The following CNTNAP2 variants were observed in gnomAD, a reference collection of about 807,000 sequenced individuals.
The protein encoded by CNTNAP2 is contactin-associated protein-like 2.
A neutral mutation model predicts 155.2 loss-of-function variants in CNTNAP2; 98 were observed. That is an observed-to-expected ratio of 0.63 (90% CI 0.54 to 0.75). The LOEUF is 0.75. Ranked by LOEUF, CNTNAP2 falls within the 30% of genes least tolerant of loss-of-function variation. The pLI is 0.00. For synonymous variants in CNTNAP2, 651 were observed against 631.2 expected (o/e 1.03, Z -0.47); for missense variants, 1,727 against 1,688.1 (o/e 1.02, Z -0.40).
At chr7:146,932,963 C>G (rs1279267101) in intron 3 of CNTNAP2, among the ~76,000 whole-genome samples, 1 of 152,140 alleles carries the variant, frequency 6.6e-6, no homozygotes, top group Non-Finnish European at 1.5e-5. Flanking sequence ...GAAGAACATT[C>G]CATGCTCATG....
chr7:146,701,879 CA>C (rs1220973155), intron 1 of CNTNAP2, among the ~76,000 whole-genome samples: 1 of 152,076 alleles, frequency 6.6e-6, no homozygotes, highest in Non-Finnish European at 1.5e-5. Flanking sequence ...CTTCTGTGGA[CA>C]AAACATAGGC....
chr7:146,921,543 T>C (rs1208538990), intron 3 of CNTNAP2, among the ~76,000 whole-genome samples: 1 of 152,102 alleles, frequency 6.6e-6, no homozygotes, highest in Non-Finnish European at 1.5e-5. Flanking sequence ...GGAGGCCTCA[T>C]AATCATGGTG....
intron 9 of CNTNAP2, among the ~76,000 whole-genome samples, chr7:147,374,935 T>C (rs1373971959): frequency 1.3e-5 from 2 of 152,004 alleles, no homozygotes; most frequent in African/African-American, 4.8e-5. Flanking sequence ...TCTCAAATTA[T>C]AATCCCCACA....
intron 15 of CNTNAP2, among the ~76,000 whole-genome samples, chr7:148,052,419 T>C (rs1802911597): frequency 6.7e-6 from 1 of 149,972 alleles, no homozygotes; most frequent in African/African-American, 2.4e-5. Context: ...GTGTTTCCAA[T>C]CAAAGAAATA....
At chr7:146,355,542 C>T (rs1265759862) in intron 1 of CNTNAP2, among the ~76,000 whole-genome samples, 1 of 152,144 alleles carries the variant, frequency 6.6e-6, no homozygotes, top group Non-Finnish European at 1.5e-5. Context: ...ATTTGTCCTG[C>T]ATTGTGACAA....
In CNTNAP2 at chr7:147,314,929, C is replaced by T. The variant is rs577279403; in HGVS notation, c.1498+14639C>T. 2.7e-5 allele frequency among the ~76,000 whole-genome samples: 4 copies of T among 150,892 alleles called. 1 individual carries two copies. Among genetic ancestry groups the T allele is most frequent in the Non-Finnish European group, 5.9e-5 (4 of 67,476 alleles). On this transcript the variant is annotated intron_variant, in intron 9 of 23. Coordinates refer to ENST00000361727, the MANE Select transcript of CNTNAP2 (RefSeq NM_014141.6). ...AAGCTATCAGGCTGAATGAAGCAGA[C>T]GGGTAATAACCACTATGTAAAAGCT...
In CNTNAP2 at chr7:146,902,805, A is replaced by C. The variant is rs116275043; in HGVS notation, c.402+62901A>C. Among the ~76,000 whole-genome samples the C allele has an allele frequency of 9.7e-3, 1,482 of 152,332 alleles. 18 individuals carry two copies. Among genetic ancestry groups the C allele is most frequent in the African/African-American group, 0.034 (1,408 of 41,574 alleles). On this transcript the variant is annotated intron_variant, in intron 3 of 23. Transcript: ENST00000361727. ...GCTGAGAGCATGTGGCTGCCATTGC[A>C]GCCTCAGGGCAGTGAGGATGAAATC...
intron 1 of CNTNAP2, among the ~76,000 whole-genome samples, chr7:146,422,367 A>G (rs952323867): frequency 1.3e-5 from 2 of 150,298 alleles, no homozygotes; most frequent in African/African-American, 2.4e-5. Context: ...ATGTATATAT[A>G]TATATGTTAG....
At chr7:147,293,233 T>C (rs1352112281) in intron 8 of CNTNAP2, among the ~76,000 whole-genome samples, 1 of 152,224 alleles carries the variant, frequency 6.6e-6, no homozygotes, top group Non-Finnish European at 1.5e-5. Context: ...GCAGTTTCTT[T>C]ATCATAAAAA....
chr7:147,629,116 C>T (rs886603337), intron 12 of CNTNAP2, among the ~76,000 whole-genome samples: 2 of 151,948 alleles, frequency 1.3e-5, no homozygotes, highest in Admixed American at 6.6e-5. Context: ...AAATAACGGA[C>T]ATAGGCCGAC....
intron 8 of CNTNAP2, among the ~76,000 whole-genome samples, chr7:147,288,438 G>A (rs1805230623): frequency 6.6e-6 from 1 of 152,198 alleles, no homozygotes; most frequent in African/African-American, 2.4e-5. Flanking sequence ...AAGGAGAACT[G>A]TAAAAGGGCT....
chr7:148,039,169 A>G (rs950210249), intron 15 of CNTNAP2, among the ~76,000 whole-genome samples: 2 of 152,160 alleles, frequency 1.3e-5, no homozygotes, highest in African/African-American at 4.8e-5. Flanking sequence ...CGGGAAAATT[A>G]TTGGTGTAAC....
intron 9 of CNTNAP2, among the ~76,000 whole-genome samples, chr7:147,375,448 A>G (rs1383652044): frequency 3.3e-5 from 5 of 151,884 alleles, no homozygotes; most frequent in Admixed American, 1.3e-4. Context: ...CCCACCAAAA[A>G]CTGAATCCAA....
At chr7:148,302,554 C>A (rs1797413238) in intron 21 of CNTNAP2, among the ~76,000 whole-genome samples, 1 of 152,112 alleles carries the variant, frequency 6.6e-6, no homozygotes, top group Non-Finnish European at 1.5e-5. Context: ...GAACTGTAAT[C>A]CCCATGTGTC....
intron 13 of CNTNAP2, among the ~76,000 whole-genome samples, chr7:147,783,960 C>T (rs934079155): frequency 2.6e-5 from 4 of 152,156 alleles, no homozygotes; most frequent in Non-Finnish European, 5.9e-5. Flanking sequence ...CATGAATGGA[C>T]TAAGACATTC....
intron 18 of CNTNAP2, among the ~76,000 whole-genome samples, chr7:148,176,811 C>G (rs548293273): frequency 2.2e-4 from 33 of 152,276 alleles, no homozygotes; most frequent in African/African-American, 7.5e-4. Flanking sequence ...ACCCCATCGG[C>G]TGAGGCTGAG....
intron 10 of CNTNAP2, among the ~76,000 whole-genome samples, chr7:147,469,740 G>A (rs541046928): frequency 2.6e-5 from 4 of 151,800 alleles, no homozygotes; most frequent in Non-Finnish European, 5.9e-5. Context: ...GGATGATCTC[G>A]ATCTCCTGAC....
intron 5 of CNTNAP2, among the ~76,000 whole-genome samples, chr7:147,118,027 C>T (rs1584854719): frequency 1.3e-5 from 2 of 151,574 alleles, no homozygotes; most frequent in African/African-American, 2.4e-5. Context: ...GAAATTATAC[C>T]ACTGCATAAT....
intron 13 of CNTNAP2, among the ~76,000 whole-genome samples, chr7:147,860,599 A>G (rs1227671184): frequency 1.3e-5 from 2 of 151,186 alleles, no homozygotes; most frequent in Non-Finnish European, 2.9e-5. Context: ...CAAAAAAAAA[A>G]AAAAGTGTTT....
Sources: allele counts gnomAD v4.1 joint callset (sites outside exome capture counted in the v4.1 genomes callset), GRCh38; gene constraint gnomAD v4.1.1; transcripts MANE v1.5; gene names NCBI Gene and HGNC (gene_info 2026-07-23, HGNC 2026-07-21).